VGLL4: variants seen among roughly 807,000 people sequenced by gnomAD.
VGLL4 encodes the protein vestigial like family member 4, also known as transcription cofactor vestigial-like protein 4.
VGLL4 carries 7 observed loss-of-function variants against 21.0 expected under a neutral mutation model. That is an observed-to-expected ratio of 0.33 (90% CI 0.19 to 0.63). The LOEUF (loss-of-function observed/expected upper bound fraction) is 0.63, where lower values mean the gene tolerates loss of function less well. Ranked by LOEUF, VGLL4 falls within the 20% of genes least tolerant of loss-of-function variation. VGLL4 has a pLI of 0.78. For synonymous variants in VGLL4, 222 were observed against 173.2 expected (o/e 1.28, Z -2.21); for missense variants, 394 against 425.7 (o/e 0.93, Z 0.66).
chr3:11,582,511 C>T (rs1249070107), intron 2 of VGLL4: 1 of 681,016 alleles, frequency 1.5e-6, no homozygotes, highest in Non-Finnish European at 2.4e-6. Flanking sequence ...GTCAGGAACT[C>T]CTGGGAGGGT....
chr3:11,576,967 G>A (rs934262452), intron 2 of VGLL4, among the ~76,000 whole-genome samples: 2 of 152,212 alleles, frequency 1.3e-5, no homozygotes, highest in African/African-American at 4.8e-5. Flanking sequence ...CTAGAACAGG[G>A]CCTGGCACAC....
chr3:11,594,258 A>G (rs191670736), intron 2 of VGLL4, among the ~76,000 whole-genome samples: 1 of 152,334 alleles, frequency 6.6e-6, no homozygotes, highest in Admixed American at 6.5e-5. Context: ...AGCAGGGTTA[A>G]TCCCAGCTGC....
At chr3:11,696,358 G>A (rs1376822233) in intron 2 of VGLL4, among the ~76,000 whole-genome samples, 2 of 152,192 alleles carry the variant, frequency 1.3e-5, no homozygotes, top group Non-Finnish European at 2.9e-5. Flanking sequence ...ACTCCCTTTG[G>A]TGAAACCTAT....
At chr3:11,675,376 G>A (rs1349924967) in intron 2 of VGLL4, among the ~76,000 whole-genome samples, 52 of 151,822 alleles carry the variant, frequency 3.4e-4, no homozygotes, top group Non-Finnish European at 2.1e-4. Flanking sequence ...ATAAAAAAAT[G>A]TAACATAGGC....
intron 1 of VGLL4, among the ~76,000 whole-genome samples, chr3:11,624,954 G>C (rs74328510): frequency 0.015 from 2,298 of 152,304 alleles, 28 homozygotes; most frequent in Middle Eastern, 0.044. Flanking sequence ...CAGAGGGATA[G>C]GGTAGGAACA....
chr3:11,703,179 A>G (rs1291781517), intron 1 of VGLL4: 2 of 732,036 alleles, frequency 2.7e-6, no homozygotes, highest in Non-Finnish European at 4.1e-6. Context: ...TTCTTCCCAC[A>G]TGAGGAAACA....
rs2075906883 is a variant in VGLL4, at chr3:11,653,390, T to C, written c.64+49581A>G. 6.6e-6 allele frequency among the ~76,000 whole-genome samples: 1 copy of C among 152,256 alleles called. No homozygotes were observed. Among genetic ancestry groups the C allele is most frequent in the Admixed American group, 6.5e-5 (1 of 15,280 alleles). The stretch of plus-strand genomic sequence containing the variant: ...TTATAGAAAGAGAATCGTATGATGC[T>C]AGCTACTCTTGTGGCTGGATTCCTT... On this transcript the variant is annotated intron_variant, in intron 2 of 5. Coordinates refer to the VGLL4 transcript ENST00000273038. The surrounding 1 kb of genome is among the most constrained non-coding windows in gnomAD (Gnocchi z 4.2).
chr3:11,610,188 C>G (rs2075031530), intron 1 of VGLL4: 2 of 152,280 alleles, frequency 1.3e-5, no homozygotes, highest in South Asian at 2.1e-4. Context: ...AGATTCCACG[C>G]CCCTCTCACA....
upstream of VGLL4, among the ~76,000 whole-genome samples, chr3:11,646,967 A>G (rs2075803126): frequency 6.6e-6 from 1 of 152,230 alleles, no homozygotes; most frequent in African/African-American, 2.4e-5. Flanking sequence ...GACTAATTTT[A>G]TGTCTCTCAA....
In VGLL4 at chr3:11,639,869, C is replaced by G. The variant is rs186209860; in HGVS notation, c.82+3568G>C. On this transcript the variant is annotated intron_variant, in intron 1 of 4. Coordinates refer to ENST00000430365, the MANE Select transcript of VGLL4 (RefSeq NM_001128219.3). ...CTAGTCTGGGCGACAGAGCAAGACT[C>G]CGTCTCAAAAGAAAAAAAAAAGACA... is the stretch of plus-strand genomic sequence containing the variant. Among the ~76,000 whole-genome samples the G allele has an allele frequency of 6.4e-3, 975 of 152,068 alleles. 9 individuals are homozygous for G. Among genetic ancestry groups the G allele is most frequent in the Non-Finnish European group, 9.4e-3 (642 of 67,994 alleles).
At position 11,673,438 on chromosome 3, in the gene VGLL4, G is replaced by A. The variant is rs201120731; in HGVS notation, c.64+29533C>T. 2.6e-4 allele frequency among the ~76,000 whole-genome samples: 39 copies of A among 152,050 alleles called. 1 individual carries two copies. Among genetic ancestry groups the A allele is most frequent in the South Asian group, 2.5e-3 (12 of 4,806 alleles). On this transcript the variant is annotated intron_variant, in intron 2 of 5. Transcript: ENST00000273038. ...GTCCGGAAGGGAGAAAGGGGGAAAG[G>A]GGGGGAAGTAGACTAGTCCGGGAGG...
In VGLL4 at chr3:11,558,919, C is replaced by T. The variant is rs1466312885; in HGVS notation, c.620-92G>A. The T allele has an allele frequency of 5.2e-5, 76 of 1,459,420 alleles. 1 individual carries two copies. The South Asian group carries it at 7.6e-4, about 15-fold the overall frequency. The allele number at this position is 1,459,420 out of a possible 1,614,324, so 90.4% of individuals were successfully genotyped here. ...CACCCTCCCTCAGGCAGCCCAGAGC[C>T]GGACTGGCTGCCACGGTCAGCGTGG... On this transcript the variant is annotated intron_variant, in intron 4 of 4. Coordinates refer to ENST00000430365, the MANE Select transcript of VGLL4 (RefSeq NM_001128219.3).
At chr3:11,581,469 C>T (rs1178667604) in intron 2 of VGLL4, among the ~76,000 whole-genome samples, 1 of 152,172 alleles carries the variant, frequency 6.6e-6, no homozygotes, top group Non-Finnish European at 1.5e-5. Context: ...CCTAGACACC[C>T]GGCCCTCAAG....
intron 2 of VGLL4, among the ~76,000 whole-genome samples, chr3:11,697,308 T>C (rs1468446182): frequency 3.3e-5 from 5 of 150,226 alleles, no homozygotes; most frequent in African/African-American, 1.2e-4. Context: ...GGTCTTCCTA[T>C]TTTTCCCAGG....
Position 11,574,785 on chromosome 3 carries a change from ATGTGTGTGTGTGTG to A in VGLL4, c.273-9780_273-9767del, listed in dbSNP as rs375691226. 2.4e-3 allele frequency among the ~76,000 whole-genome samples: 296 copies of A among 121,774 alleles called. 2 individuals are homozygous for A. Among genetic ancestry groups the A allele is most frequent in the East Asian group, 4.7e-3 (16 of 3,400 alleles). 79.9% of individuals were successfully genotyped at this position (121,774 alleles called of 152,430 possible). A position where few individuals can be genotyped will look rare whatever the true frequency, so the allele number is the denominator to read the frequency against. ...ACAATTACTGTCAATTCAACTATAT[ATGTGTGTGTGTGTG>A]TGTGTGTGTGTGTGTGTGTGTGTGT... On this transcript the variant is annotated intron_variant, in intron 2 of 4. Coordinates refer to ENST00000430365, the MANE Select transcript of VGLL4 (RefSeq NM_001128219.3).
intron 1 of VGLL4, among the ~76,000 whole-genome samples, chr3:11,620,093 G>A (rs1312590180): frequency 2.6e-5 from 4 of 152,082 alleles, no homozygotes; most frequent in Non-Finnish European, 4.4e-5. Context: ...GAGAAGAGAT[G>A]CTCTAGAAGC....
chr3:11,562,395 C>T (rs977202650), intron 3 of VGLL4, among the ~76,000 whole-genome samples: 1 of 152,160 alleles, frequency 6.6e-6, no homozygotes, highest in East Asian at 1.9e-4. Context: ...TTCTGCCACA[C>T]AGAGGAAGGC....
At chr3:11,696,481 C>T (rs1470377347) in intron 2 of VGLL4, among the ~76,000 whole-genome samples, 1 of 152,200 alleles carries the variant, frequency 6.6e-6, no homozygotes, top group Non-Finnish European at 1.5e-5. Context: ...TTACCGGCTC[C>T]TTTTATTTTC....
intron 2 of VGLL4, among the ~76,000 whole-genome samples, chr3:11,667,100 CTA>C (rs1437172612): frequency 3.3e-5 from 5 of 152,240 alleles, no homozygotes; most frequent in Non-Finnish European, 7.3e-5. Context: ...CCATAAATTT[CTA>C]TCTCTGGCCT....
Sources: allele counts gnomAD v4.1 joint callset (sites outside exome capture counted in the v4.1 genomes callset), GRCh38; gene constraint gnomAD v4.1.1; non-coding constraint Gnocchi (gnomAD v3.1); transcripts MANE v1.5; gene names NCBI Gene and HGNC (gene_info 2026-07-23, HGNC 2026-07-21).